Variants in AGBL4 observed in about 807,000 individuals in gnomAD.
AGBL4 encodes cytosolic carboxypeptidase 6.
Under a neutral mutation model 66.4 loss-of-function variants are expected in AGBL4, and 58 were observed. The ratio of observed to expected loss-of-function variants is 0.87; its 90% CI spans 0.71 to 1.09. The LOEUF is 1.09. AGBL4 is among the 50% of genes least tolerant of loss of function. AGBL4 has a pLI of 0.00. For missense variants in AGBL4, 579 were observed against 631.0 expected, an observed-to-expected ratio of 0.92 and a Z score of 0.88; for synonymous variants, 234 against 222.9, an observed-to-expected ratio of 1.05 and a Z score of -0.44.
chr1:49,913,858 G>A (rs1280374775), intron 1 of AGBL4, among the ~76,000 whole-genome samples: 1 of 152,198 alleles, frequency 6.6e-6, no homozygotes, highest in Non-Finnish European at 1.5e-5. Flanking sequence ...GGAAAGCACT[G>A]TGCCAGAATG....
At chr1:49,680,061 T>G (rs1184860221) in intron 3 of AGBL4, among the ~76,000 whole-genome samples, 2 of 147,794 alleles carry the variant, frequency 1.4e-5, no homozygotes, top group African/African-American at 5.0e-5. Context: ...TTTTTTTTTT[T>G]TTTTTTTTGA....
chr1:48,676,278 T>TG (rs982573742), intron 6 of AGBL4, among the ~76,000 whole-genome samples: 2 of 152,318 alleles, frequency 1.3e-5, no homozygotes, highest in African/African-American at 2.4e-5. Flanking sequence ...AAGGCTTGAG[T>TG]GGGGGGTCTG....
chr1:49,379,830 C>G (rs897972048), intron 3 of AGBL4, among the ~76,000 whole-genome samples: 7 of 151,800 alleles, frequency 4.6e-5, no homozygotes, highest in Non-Finnish European at 7.4e-5. Flanking sequence ...GGATATTGGT[C>G]TAAAATTCTC....
At chr1:49,250,246 A>G (rs532606418) in intron 3 of AGBL4, among the ~76,000 whole-genome samples, 5 of 152,232 alleles carry the variant, frequency 3.3e-5, no homozygotes, top group South Asian at 4.1e-4. Context: ...GAGAAAAGAG[A>G]AATGTTTGAG....
chr1:49,119,629 ATTT>A (rs1645609286), intron 4 of AGBL4, among the ~76,000 whole-genome samples: 1 of 152,096 alleles, frequency 6.6e-6, no homozygotes, highest in African/African-American at 2.4e-5. Context: ...TATGTGGTCA[ATTT>A]TCGAATAAGT....
At chr1:48,711,911 G>A (rs1222560653) in intron 6 of AGBL4, among the ~76,000 whole-genome samples, 3 of 152,158 alleles carry the variant, frequency 2.0e-5, no homozygotes, top group Non-Finnish European at 4.4e-5. Flanking sequence ...GCAAACTGGA[G>A]TACATCCTCC....
rs148378661 is a variant in AGBL4 at position 49,121,771 on chromosome 1, G to A, written c.378-75971C>T. Reference sequence around the variant, plus strand: ...TCAGACATGGACGTTTAAGTCTGCAGAAGTTGTCTGCTGCCTTTTGTTCAG... The same window carrying A: ...TCAGACATGGACGTTTAAGTCTGCAAAAGTTGTCTGCTGCCTTTTGTTCAG... On this transcript the variant is annotated intron_variant, in intron 4 of 13. Coordinates refer to ENST00000371839, the MANE Select transcript of AGBL4 (RefSeq NM_032785.4). Among the ~76,000 whole-genome samples, 1,238 of 152,348 alleles carry A rather than the reference G, an allele frequency of 8.1e-3. 12 individuals are homozygous for A. Among genetic ancestry groups the A allele is most frequent in the Non-Finnish European group, 0.012 (807 of 68,036 alleles).
intron 3 of AGBL4, among the ~76,000 whole-genome samples, chr1:49,291,777 G>A (rs1456454515): frequency 2.0e-5 from 3 of 152,188 alleles, no homozygotes; most frequent in Non-Finnish European, 4.4e-5. Flanking sequence ...GGTGCAGCAG[G>A]GAGGCATGGC....
chr1:48,849,605 A>T (rs2148807154), intron 6 of AGBL4, among the ~76,000 whole-genome samples: 1 of 152,186 alleles, frequency 6.6e-6, no homozygotes, highest in African/African-American at 2.4e-5. Context: ...GCTTCTCACT[A>T]TTTATCTGCT....
At chr1:49,552,497 C>T (rs966211375) in intron 3 of AGBL4, among the ~76,000 whole-genome samples, 2 of 152,220 alleles carry the variant, frequency 1.3e-5, no homozygotes, top group African/African-American at 4.8e-5. Context: ...CTCTATACCC[C>T]TGTATTTCAC....
At chr1:49,418,750 T>C (rs545299882) in intron 3 of AGBL4, among the ~76,000 whole-genome samples, 91 of 152,304 alleles carry the variant, frequency 6.0e-4, no homozygotes, top group African/African-American at 2.1e-3. Flanking sequence ...GCAAAGTTCA[T>C]GGGGGAGAAA....
At chr1:49,732,484 G>C (rs1032818818) in intron 2 of AGBL4, among the ~76,000 whole-genome samples, 8 of 152,144 alleles carry the variant, frequency 5.3e-5, no homozygotes, top group Middle Eastern at 3.4e-3. Flanking sequence ...TATTTAACAG[G>C]CAAAGACTTC....
chr1:49,442,359 C>G (rs910564380), intron 3 of AGBL4, among the ~76,000 whole-genome samples: 1 of 152,164 alleles, frequency 6.6e-6, no homozygotes, highest in African/African-American at 2.4e-5. Flanking sequence ...GAGGGAATGC[C>G]CTGTGCAAAA....
intron 3 of AGBL4, among the ~76,000 whole-genome samples, chr1:49,304,403 T>C (rs761500101): frequency 6.6e-6 from 1 of 152,236 alleles, no homozygotes; most frequent in Non-Finnish European, 1.5e-5. Context: ...CTAGATTTTA[T>C]ATTTTGTCTT....
intron 3 of AGBL4, among the ~76,000 whole-genome samples, chr1:49,549,241 C>A (rs913305546): frequency 1.3e-5 from 2 of 150,526 alleles, no homozygotes; most frequent in Non-Finnish European, 3.0e-5. Context: ...AAAGAACCAG[C>A]TTTTTATCTT....
chr1:49,935,177 T>C (rs1348358670), intron 1 of AGBL4, among the ~76,000 whole-genome samples: 2 of 152,328 alleles, frequency 1.3e-5, no homozygotes. Flanking sequence ...CTCCAGGAGA[T>C]TATATCCCGC....
intron 6 of AGBL4, among the ~76,000 whole-genome samples, chr1:48,819,649 C>T (rs1168337661): frequency 2.0e-5 from 3 of 152,178 alleles, no homozygotes; most frequent in Non-Finnish European, 4.4e-5. Context: ...ACAAGAGCCC[C>T]TGGAAATCTT....
chr1:49,331,070 T>G lies in AGBL4; in HGVS notation c.283-85206A>C, dbSNP rs1474257690. 5.3e-5 allele frequency among the ~76,000 whole-genome samples: 8 copies of G among 152,126 alleles called. No homozygotes were observed. In the South Asian group the frequency reaches 1.7e-3, roughly 32 times the overall value. Reference sequence around the variant, plus strand: ...CTTTGCAACCCTTGGTTCAGGAGATTCCCTCGTGAACCCACTCCACTAGGG... The same window carrying G: ...CTTTGCAACCCTTGGTTCAGGAGATGCCCTCGTGAACCCACTCCACTAGGG... On this transcript the variant is annotated intron_variant, in intron 3 of 13. Transcript: ENST00000371839.
intron 6 of AGBL4, among the ~76,000 whole-genome samples, chr1:48,700,601 T>C (rs1230447966): frequency 6.6e-6 from 1 of 152,190 alleles, no homozygotes; most frequent in Non-Finnish European, 1.5e-5. Context: ...TGCCACACTA[T>C]CTGCATGTCC....
Sources: allele counts gnomAD v4.1 joint callset (sites outside exome capture counted in the v4.1 genomes callset), GRCh38; gene constraint gnomAD v4.1.1; transcripts MANE v1.5; gene names NCBI Gene and HGNC (gene_info 2026-07-23, HGNC 2026-07-21).